AGAP1: variants seen among roughly 807,000 people sequenced by gnomAD.
AGAP1 encodes the protein arf-GAP with GTPase, ANK repeat and PH domain-containing protein 1.
In AGAP1, 29 loss-of-function variants were observed where a neutral mutation model predicts 105.3. That is an observed-to-expected ratio of 0.28 (90% confidence interval 0.21 to 0.38). The LOEUF (loss-of-function observed/expected upper bound fraction) is 0.38. Among genes scored for constraint, AGAP1 ranks in the 10% least tolerant of loss-of-function variants. The pLI, the probability that AGAP1 is intolerant of heterozygous loss-of-function variation, is 1.00. For missense variants in AGAP1, 998 were observed against 1,165.1 expected (o/e 0.86, Z 2.09); for synonymous variants, 509 against 485.9 (o/e 1.05, Z -0.63).
Position 235,981,774 on chromosome 2 carries a change from G to A in AGAP1, c.1645+13151G>A, listed in dbSNP as rs1298858777. 6.6e-6 allele frequency among the ~76,000 whole-genome samples: 1 copy of A among 152,126 alleles called. No individual in the cohort carries two copies. The highest frequency in any genetic ancestry group is 1.5e-5 in the Non-Finnish European group (1 of 68,036). On this transcript the variant is annotated intron_variant, in intron 13 of 17. Coordinates refer to ENST00000304032, the MANE Select transcript of AGAP1 (RefSeq NM_001037131.3). The surrounding 1 kb of genome is among the most constrained non-coding windows in gnomAD (Gnocchi z 5.5). ...CATAAAGTTTAAGTAACTTGCTCAA[G>A]GCCATAGACGTAGAAAGCAGCGATA...
chr2:235,695,817 C>T (rs1435347907), intron 1 of AGAP1, among the ~76,000 whole-genome samples: 1 of 152,184 alleles, frequency 6.6e-6, no homozygotes, highest in Non-Finnish European at 1.5e-5. Context: ...AGAGGGGTCA[C>T]TGTCCTTCAC....
At chr2:235,560,246 C>T (rs564644643) in intron 1 of AGAP1, among the ~76,000 whole-genome samples, 1 of 152,214 alleles carries the variant, frequency 6.6e-6, no homozygotes, top group Non-Finnish European at 1.5e-5. Context: ...TTCCCCTCCA[C>T]GGCATGTTTG....
chr2:235,885,384 C>G (rs1050795870), intron 10 of AGAP1, among the ~76,000 whole-genome samples: 1 of 152,176 alleles, frequency 6.6e-6, no homozygotes, highest in South Asian at 2.1e-4. Context: ...AATTTACTTT[C>G]AGTTTTTTCA....
At chr2:236,033,210 A>G (rs1003777630) in intron 13 of AGAP1, among the ~76,000 whole-genome samples, 7 of 152,142 alleles carry the variant, frequency 4.6e-5, no homozygotes, top group Admixed American at 4.6e-4. Context: ...ATGCCATTGC[A>G]CTCCAGCCTG....
intron 1 of AGAP1, among the ~76,000 whole-genome samples, chr2:235,522,397 C>T (rs1265962608): frequency 6.6e-6 from 1 of 152,200 alleles, no homozygotes; most frequent in Non-Finnish European, 1.5e-5. Context: ...GACGCTCAGC[C>T]TCTCTGTATC....
At chr2:235,915,101 T>C (rs2317014) in intron 11 of AGAP1, among the ~76,000 whole-genome samples, 117,295 of 151,382 alleles carry the variant, frequency 0.77, 45,527 homozygotes, top group East Asian at 0.98. Context: ...CGCCAGTCAT[T>C]ATGGGCCATA....
rs1241981291 is a variant in AGAP1, at chr2:235,855,382, G to T, written c.1051-27963G>T. 6.6e-6 allele frequency among the ~76,000 whole-genome samples: 1 copy of T among 152,138 alleles called. No individual in the cohort carries two copies. Among genetic ancestry groups the T allele is most frequent in the Non-Finnish European group, 1.5e-5 (1 of 68,024 alleles). On this transcript the variant is annotated intron_variant, in intron 9 of 17. Coordinates refer to ENST00000304032, the MANE Select transcript of AGAP1 (RefSeq NM_001037131.3). The surrounding 1 kb of genome is among the most constrained non-coding windows in gnomAD (Gnocchi z 5.0). ...AGCTAAAAGTCAACTGAAATTCTAA[G>T]CTCTCTTTGCTATACTACATTTAAA...
Position 236,042,085 on chromosome 2 carries a change from A to G in AGAP1, c.1891+1244A>G, listed in dbSNP as rs1033429090. 3.3e-5 allele frequency among the ~76,000 whole-genome samples: 5 copies of G among 152,162 alleles called. No homozygotes were observed. Among genetic ancestry groups the G allele is most frequent in the African/African-American group, 9.7e-5 (4 of 41,430 alleles). On this transcript the variant is annotated intron_variant, in intron 15 of 17. Coordinates refer to ENST00000304032, the MANE Select transcript of AGAP1 (RefSeq NM_001037131.3). This position sits in a 1 kb window ranked among gnomAD's most constrained non-coding sequence, Gnocchi z 5.6. ...TTGTTCTTCATTTGTAAGCAGAGAG[A>G]CATCATTGGAGTTTTAGAGCAGGAA...
chr2:235,692,784 G>A lies in AGAP1; in HGVS notation c.164-16395G>A, dbSNP rs1256165339. Among the ~76,000 whole-genome samples the A allele has an allele frequency of 6.6e-6, 1 of 152,194 alleles. No homozygotes were observed. The highest frequency in any genetic ancestry group is 1.5e-5 in the Non-Finnish European group (1 of 68,034). On this transcript the variant is annotated intron_variant, in intron 1 of 17. Transcript: ENST00000304032. This position sits in a 1 kb window ranked among gnomAD's most constrained non-coding sequence, Gnocchi z 5.8. Reference sequence around the variant, plus strand: ...AGCCCGCAGTCACAGGTCTTGCGGTGGACTTGCTGGTCGGCTGCTCTGCTG... The same window carrying A: ...AGCCCGCAGTCACAGGTCTTGCGGTAGACTTGCTGGTCGGCTGCTCTGCTG...
intron 13 of AGAP1, among the ~76,000 whole-genome samples, chr2:235,997,555 C>T (rs2055873097): frequency 6.6e-6 from 1 of 152,098 alleles, no homozygotes; most frequent in Non-Finnish European, 1.5e-5. Flanking sequence ...GCCTTCCACG[C>T]CCGCAGCATC....
At chr2:236,111,822 C>T (rs946820442) in intron 16 of AGAP1, among the ~76,000 whole-genome samples, 8 of 151,342 alleles carry the variant, frequency 5.3e-5, no homozygotes, top group Non-Finnish European at 8.8e-5. Context: ...GGGTCCATCC[C>T]GGTATCAGGC....
intron 9 of AGAP1, among the ~76,000 whole-genome samples, chr2:235,873,524 A>G (rs548821314): frequency 4.6e-5 from 7 of 152,154 alleles, no homozygotes; most frequent in Middle Eastern, 3.4e-3. Context: ...GTTTACATGT[A>G]TAAATGCAGA....
In AGAP1 at chr2:235,905,640, C is replaced by T. The variant is rs1199314288; in HGVS notation, c.1156-3098C>T. 6.6e-6 allele frequency among the ~76,000 whole-genome samples: 1 copy of T among 152,128 alleles called. No individual in the cohort carries two copies. The highest frequency in any genetic ancestry group is 1.5e-5 in the Non-Finnish European group (1 of 68,004). On this transcript the variant is annotated intron_variant, in intron 10 of 17. Transcript: ENST00000304032. The surrounding 1 kb of genome is among the most constrained non-coding windows in gnomAD (Gnocchi z 4.2). ...TTAGCCTCCCAAGTAGCTGGGATTA[C>T]AAGCACACGCCACCACACCTGGCTA...
At chr2:235,748,214 G>A (rs1005408751) in intron 5 of AGAP1, among the ~76,000 whole-genome samples, 2 of 152,182 alleles carry the variant, frequency 1.3e-5, no homozygotes, top group Non-Finnish European at 2.9e-5. Context: ...AGAGATTCCC[G>A]TGGTGCACCT....
Position 235,621,264 on chromosome 2 carries a change from C to T in AGAP1, c.164-87915C>T, listed in dbSNP as rs980316981. On this transcript the variant is annotated intron_variant, in intron 1 of 17. Transcript: ENST00000304032. This position sits in a 1 kb window ranked among gnomAD's most constrained non-coding sequence, Gnocchi z 4.1. ...CTTGAACTCCTGACCTCTGGTGATC[C>T]GCCCACCTCGGCCTCCCAAAGTGCT... Among the ~76,000 whole-genome samples, 21 of 152,098 alleles carry T rather than the reference C, an allele frequency of 1.4e-4. No individual in the cohort carries two copies. Among genetic ancestry groups the T allele is most frequent in the African/African-American group, 3.9e-4 (16 of 41,416 alleles).
chr2:235,832,933 G>A (rs908483096), intron 9 of AGAP1, among the ~76,000 whole-genome samples: 3 of 152,248 alleles, frequency 2.0e-5, no homozygotes, highest in African/African-American at 7.2e-5. Context: ...GAGACTGGCA[G>A]CCCCAAAGCA....
rs555453459 is a variant in AGAP1 at position 235,983,758 on chromosome 2, A to G, written c.1645+15135A>G. The stretch of plus-strand genomic sequence containing the variant: ...TGTATGGGTTTATGCCCTGGGAGCA[A>G]TAGGCTCTGCACATAGCCTGAGTGT... On this transcript the variant is annotated intron_variant, in intron 13 of 17. Transcript: ENST00000304032. The surrounding 1 kb of genome is among the most constrained non-coding windows in gnomAD (Gnocchi z 4.5). Among the ~76,000 whole-genome samples the G allele has an allele frequency of 4.6e-5, 7 of 152,302 alleles. No homozygotes were observed. In the East Asian group the frequency reaches 1.2e-3, roughly 25 times the overall value.
chr2:235,664,989 G>A lies in AGAP1; in HGVS notation c.164-44190G>A, dbSNP rs531378047. Among the ~76,000 whole-genome samples the A allele has an allele frequency of 6.6e-6, 1 of 152,314 alleles. No individual in the cohort carries two copies. Among genetic ancestry groups the A allele is most frequent in the Admixed American group, 6.5e-5 (1 of 15,300 alleles). Reference sequence around the variant, plus strand: ...TAATCCCAGCACTTTAGGAGGCCAAGATGGGAGAATCATCTGAGGTGAGGC... The same window carrying A: ...TAATCCCAGCACTTTAGGAGGCCAAAATGGGAGAATCATCTGAGGTGAGGC... On this transcript the variant is annotated intron_variant, in intron 1 of 17. Transcript: ENST00000304032. The surrounding 1 kb of genome is among the most constrained non-coding windows in gnomAD (Gnocchi z 5.7).
intron 1 of AGAP1, among the ~76,000 whole-genome samples, chr2:235,708,042 A>G (rs868378568): frequency 2.3e-4 from 35 of 152,274 alleles, no homozygotes; most frequent in South Asian, 4.1e-4. Context: ...CCTGTGTCAC[A>G]CCCATGGTGT....
Sources: allele counts gnomAD v4.1 joint callset (sites outside exome capture counted in the v4.1 genomes callset), GRCh38; gene constraint gnomAD v4.1.1; non-coding constraint Gnocchi (gnomAD v3.1); transcripts MANE v1.5; gene names NCBI Gene and HGNC (gene_info 2026-07-23, HGNC 2026-07-21).